The following FHOD3 variants were observed in gnomAD, a reference collection of about 807,000 sequenced individuals.
FHOD3 encodes formin homology 2 domain containing 3.
In FHOD3, 90 loss-of-function variants were observed where a neutral mutation model predicts 173.0. The ratio of observed to expected loss-of-function variants is 0.52; its 90% CI spans 0.44 to 0.62. The LOEUF is 0.62. Ranked by LOEUF, FHOD3 falls within the 20% of genes least tolerant of loss-of-function variation. FHOD3 has a pLI of 0.00. For missense variants in FHOD3, 1,945 were observed against 2,034.7 expected (o/e 0.96, Z 0.85); for synonymous variants, 828 against 823.0 (o/e 1.01, Z -0.10).
chr18:36,764,565 C>G (rs1221383540), intron 27 of FHOD3, among the ~76,000 whole-genome samples: 2 of 152,048 alleles, frequency 1.3e-5, no homozygotes, highest in East Asian at 3.9e-4. Flanking sequence ...TTGAAGCCTT[C>G]TTAGGGGGTG....
At chr18:36,403,559 CAAATATACTCCATGCAG>C (rs1365411782) in intron 3 of FHOD3, among the ~76,000 whole-genome samples, 1 of 152,132 alleles carries the variant, frequency 6.6e-6, no homozygotes, top group East Asian at 1.9e-4. Context: ...CTTCCCCAAA[CAAATATACTCCATGCAG>C]AATTTTAACT....
chr18:36,419,619 C>A (rs2049880077), intron 3 of FHOD3, among the ~76,000 whole-genome samples: 1 of 152,178 alleles, frequency 6.6e-6, no homozygotes, highest in South Asian at 2.1e-4. Flanking sequence ...AGAAAGCAAA[C>A]CTGCATCTGT....
At chr18:36,720,276 C>T (rs1035698361) in intron 19 of FHOD3, among the ~76,000 whole-genome samples, 3 of 136,156 alleles carry the variant, frequency 2.2e-5, no homozygotes, top group Non-Finnish European at 4.6e-5. Flanking sequence ...CTTGCTCTGT[C>T]GCCCAGGATG....
At chr18:36,639,205 T>G (rs2035104343) in intron 10 of FHOD3, among the ~76,000 whole-genome samples, 1 of 152,142 alleles carries the variant, frequency 6.6e-6, no homozygotes, top group Non-Finnish European at 1.5e-5. Flanking sequence ...CATCCTAATT[T>G]CTCTGTCAAC....
intron 3 of FHOD3, among the ~76,000 whole-genome samples, chr18:36,386,948 A>G (rs1437525906): frequency 6.6e-6 from 1 of 152,216 alleles, no homozygotes; most frequent in Non-Finnish European, 1.5e-5. Context: ...TGTCACCTCC[A>G]AATGATGTTG....
intron 7 of FHOD3, among the ~76,000 whole-genome samples, chr18:36,595,839 G>A (rs1306970971): frequency 6.6e-6 from 1 of 152,082 alleles, no homozygotes; most frequent in Admixed American, 6.5e-5. Context: ...GTAGGACTCA[G>A]GTATTATTAT....
chr18:36,517,353 G>T (rs974961605), intron 5 of FHOD3, among the ~76,000 whole-genome samples: 1 of 152,164 alleles, frequency 6.6e-6, no homozygotes, highest in East Asian at 1.9e-4. Context: ...ACCATGTCAG[G>T]CCCTGGGGTT....
At chr18:36,351,184 A>T (rs908153360) in intron 1 of FHOD3, among the ~76,000 whole-genome samples, 1 of 152,106 alleles carries the variant, frequency 6.6e-6, no homozygotes, top group Admixed American at 6.5e-5. Flanking sequence ...CCCTCTTCCT[A>T]TAGCCCCGCT....
chr18:36,769,878 A>C (rs185577841), intron 28 of FHOD3, among the ~76,000 whole-genome samples: 1 of 152,256 alleles, frequency 6.6e-6, no homozygotes, highest in African/African-American at 2.4e-5. Context: ...AAGCATGTTG[A>C]AGGCAAAAAC....
At chr18:36,581,595 T>C (rs2058853237) in intron 6 of FHOD3, among the ~76,000 whole-genome samples, 1 of 152,176 alleles carries the variant, frequency 6.6e-6, no homozygotes, top group Non-Finnish European at 1.5e-5. Flanking sequence ...TCCTTTCTAC[T>C]TGTGTGAGGG....
chr18:36,387,369 G>A (rs2048083943), intron 3 of FHOD3, among the ~76,000 whole-genome samples: 1 of 152,174 alleles, frequency 6.6e-6, no homozygotes, highest in African/African-American at 2.4e-5. Flanking sequence ...GCATCTGGTA[G>A]CCCTGCAGGT....
chr18:36,555,254 A>G (rs1342474103), intron 5 of FHOD3, among the ~76,000 whole-genome samples: 7 of 152,082 alleles, frequency 4.6e-5, no homozygotes, highest in Non-Finnish European at 8.8e-5. Flanking sequence ...TCGTTTCACA[A>G]TCCTTTTAAT....
intron 3 of FHOD3, among the ~76,000 whole-genome samples, chr18:36,421,006 A>G (rs373443799): frequency 1.3e-5 from 2 of 152,174 alleles, no homozygotes; most frequent in African/African-American, 4.8e-5. Context: ...GTGAGGTTAA[A>G]TTTGGCCATG....
At chr18:36,658,254 G>T (rs146873252) in intron 14 of FHOD3, 66 bp downstream of exon 14, 1 of 1,068,534 alleles carries the variant, frequency 9.4e-7, no homozygotes, top group African/African-American at 1.7e-5. Flanking sequence ...TTGGTTAAGT[G>T]TGGTTAAAGG....
chr18:36,709,526 A>C, intron 18 of FHOD3, 135 bp downstream of exon 18: 1 of 976,984 alleles, frequency 1.0e-6, no homozygotes, highest in East Asian at 2.6e-5. Context: ...TGTGTCACCC[A>C]GTGTCTGGGG....
chr18:36,737,042 C>T (rs1343289206), intron 20 of FHOD3, among the ~76,000 whole-genome samples: 1 of 152,184 alleles, frequency 6.6e-6, no homozygotes, highest in Non-Finnish European at 1.5e-5. Context: ...AAAACAAGGG[C>T]CATCAGCTCA....
At chr18:36,681,983 T>C (rs2038276599) in intron 15 of FHOD3, among the ~76,000 whole-genome samples, 1 of 152,232 alleles carries the variant, frequency 6.6e-6, no homozygotes, top group Admixed American at 6.5e-5. Context: ...TTGATCCCTG[T>C]AACAATCTTC....
intron 1 of FHOD3, among the ~76,000 whole-genome samples, chr18:36,330,588 G>T (rs2044938980): frequency 8.1e-6 from 1 of 123,494 alleles, no homozygotes; most frequent in African/African-American, 6.7e-5. Flanking sequence ...TGGCGTGCAG[G>T]GCTGACCATC....
At chr18:36,315,130 A>G (rs892091354) in intron 1 of FHOD3, among the ~76,000 whole-genome samples, 33 of 152,252 alleles carry the variant, frequency 2.2e-4, no homozygotes, top group African/African-American at 7.9e-4. Flanking sequence ...CTACTCTCCT[A>G]ATAGGCATCA....
Sources: allele counts gnomAD v4.1 joint callset (sites outside exome capture counted in the v4.1 genomes callset), GRCh38; gene constraint gnomAD v4.1.1; transcripts MANE v1.5; gene names NCBI Gene and HGNC (gene_info 2026-07-23, HGNC 2026-07-21).